The following B3GNT2 variants were observed in gnomAD, a reference collection of about 807,000 sequenced individuals.
B3GNT2 encodes UDP-GlcNAc:betaGal beta-1,3-N-acetylglucosaminyltransferase 2.
B3GNT2 carries 12 observed loss-of-function variants against 27.6 expected under a neutral mutation model. That is an observed-to-expected ratio of 0.44 (90% CI 0.28 to 0.71). B3GNT2 has a LOEUF of 0.71. B3GNT2 is among the 30% of genes least tolerant of loss of function. B3GNT2 has a pLI of 0.17. For missense variants in B3GNT2, 413 were observed against 488.5 expected, an observed-to-expected ratio of 0.85 and a Z score of 1.46; for synonymous variants, 192 against 189.7, an observed-to-expected ratio of 1.01 and a Z score of -0.10.
chr2:62,221,448 T>C (rs1674690840), intron 1 of B3GNT2, among the ~76,000 whole-genome samples: 1 of 152,190 alleles, frequency 6.6e-6, no homozygotes, highest in Admixed American at 6.5e-5. Flanking sequence ...TCTTAATCTC[T>C]CTGCTTTGGT....
intron 1 of B3GNT2, among the ~76,000 whole-genome samples, chr2:62,217,443 T>G (rs938011030): frequency 6.6e-6 from 1 of 152,234 alleles, no homozygotes; most frequent in Admixed American, 6.5e-5. Context: ...CTCAAAGGAT[T>G]GCTGGTGCTT....
At chr2:62,214,114 T>C (rs943928399) in intron 1 of B3GNT2, among the ~76,000 whole-genome samples, 3 of 152,198 alleles carry the variant, frequency 2.0e-5, no homozygotes, top group Non-Finnish European at 4.4e-5. Context: ...GATGAAACCC[T>C]GAGTTCAACC....
intron 1 of B3GNT2, among the ~76,000 whole-genome samples, chr2:62,215,110 G>A (rs1674548513): frequency 6.6e-6 from 1 of 152,154 alleles, no homozygotes; most frequent in African/African-American, 2.4e-5. Context: ...TGTAATCAGT[G>A]GGGGCCAGAA....
chr2:62,197,516 C>T (rs1402819870), intron 1 of B3GNT2, among the ~76,000 whole-genome samples: 1 of 152,170 alleles, frequency 6.6e-6, no homozygotes, highest in Non-Finnish European at 1.5e-5. Context: ...AGCTGTATCC[C>T]CGTGGCCGCC....
intron 1 of B3GNT2, among the ~76,000 whole-genome samples, chr2:62,203,708 G>A (rs1294686116): frequency 6.6e-6 from 1 of 152,168 alleles, no homozygotes; most frequent in East Asian, 1.9e-4. Flanking sequence ...GGGGGAAACA[G>A]TGGAGATTGC....
At chr2:62,203,504 G>C (rs1479507922) in intron 1 of B3GNT2, among the ~76,000 whole-genome samples, 2 of 152,156 alleles carry the variant, frequency 1.3e-5, no homozygotes, top group African/African-American at 4.8e-5. Flanking sequence ...ACATGCAAGA[G>C]AACCCTGGGG....
chr2:62,222,458 C>T lies in B3GNT2; in HGVS notation c.238C>T (p.Gln80Ter). ...YNPILSMLTN[Q>*]TGEAGRLSNI... ...CCCCATCCTGAGCATGCTGACCAAC[C>T]AGACGGGGGAGGCGGGCAGGCTCTC... Residue 80 changes from glutamine to a stop codon, truncating the protein, a stop_gained, in exon 2 of 2, where the codon CAG becomes TAG. Transcript: ENST00000301998. LOFTEE classifies it high-confidence loss of function. The surrounding 1 kb of genome is among the most constrained non-coding windows in gnomAD (Gnocchi z 4.2). The T allele has an allele frequency of 6.2e-7, 1 of 1,614,162 alleles. No individual in the cohort carries two copies. The highest frequency in any genetic ancestry group is 8.5e-7 in the Non-Finnish European group (1 of 1,180,038).
At chr2:62,202,054 C>G (rs1438626560) in intron 1 of B3GNT2, among the ~76,000 whole-genome samples, 1 of 152,222 alleles carries the variant, frequency 6.6e-6, no homozygotes, top group Non-Finnish European at 1.5e-5. Context: ...CCCTGGAATA[C>G]TTCTCCATTA....
chr2:62,219,049 C>G (rs935573195), intron 1 of B3GNT2, among the ~76,000 whole-genome samples: 1 of 152,212 alleles, frequency 6.6e-6, no homozygotes, highest in Non-Finnish European at 1.5e-5. Context: ...GTGGTTATGG[C>G]TGGATTCCAG....
intron 1 of B3GNT2, among the ~76,000 whole-genome samples, chr2:62,196,559 A>G (rs1674147030): frequency 6.6e-6 from 1 of 152,146 alleles, no homozygotes; most frequent in Admixed American, 6.5e-5. Context: ...CTCCTGCCGC[A>G]TTTAAGCCTC....
At chr2:62,212,593 C>T (rs569519015) in intron 1 of B3GNT2, among the ~76,000 whole-genome samples, 5 of 151,708 alleles carry the variant, frequency 3.3e-5, no homozygotes, top group Non-Finnish European at 7.4e-5. Context: ...CCCAGACTTG[C>T]TTGCCTGTAC....
At chr2:62,211,834 C>G (rs1674487535) in intron 1 of B3GNT2, among the ~76,000 whole-genome samples, 1 of 152,206 alleles carries the variant, frequency 6.6e-6, no homozygotes, top group South Asian at 2.1e-4. Context: ...CTCTACATTT[C>G]TGAAATTTGC....
chr2:62,222,215 T>G lies in B3GNT2; in HGVS notation c.-6T>G. The stretch of plus-strand genomic sequence containing the variant: ...ATACTCCACCCCTTTATTCCAGATA[T>G]GAGAAATGAGTGTTGGACGTCGAAG... On this transcript the variant is annotated 5_prime_UTR_variant, in exon 2 of 2. The change abolishes an upstream ATG in the 5' untranslated region. Coordinates refer to ENST00000301998, the MANE Select transcript of B3GNT2 (RefSeq NM_006577.6). This position sits in a 1 kb window ranked among gnomAD's most constrained non-coding sequence, Gnocchi z 4.2. 4.9e-5 allele frequency: 77 copies of G among 1,585,164 alleles called. No homozygotes were observed. Among genetic ancestry groups the G allele is most frequent in the Non-Finnish European group, 6.2e-5 (72 of 1,167,052 alleles).
At chr2:62,210,260 C>G (rs1376229301) in intron 1 of B3GNT2, among the ~76,000 whole-genome samples, 1 of 152,148 alleles carries the variant, frequency 6.6e-6, no homozygotes, top group Non-Finnish European at 1.5e-5. Flanking sequence ...AGGTTGGGAC[C>G]AGAGTCCAAA....
intron 1 of B3GNT2, among the ~76,000 whole-genome samples, chr2:62,204,226 G>T (rs968302019): frequency 1.3e-5 from 2 of 152,158 alleles, no homozygotes; most frequent in Admixed American, 1.3e-4. Flanking sequence ...GGGTTTCTCC[G>T]TGCTGGTCAG....
At chr2:62,211,360 G>A (rs984097004) in intron 1 of B3GNT2, among the ~76,000 whole-genome samples, 4 of 131,118 alleles carry the variant, frequency 3.1e-5, no homozygotes, top group East Asian at 4.9e-4. Context: ...TGTCCCCCCC[G>A]TCCCCCCCAA....
intron 1 of B3GNT2, among the ~76,000 whole-genome samples, chr2:62,199,082 A>G (rs1674212757): frequency 6.6e-6 from 1 of 152,162 alleles, no homozygotes; most frequent in Non-Finnish European, 1.5e-5. Context: ...CTGGGATTAC[A>G]GGCATCCACC....
intron 1 of B3GNT2, among the ~76,000 whole-genome samples, chr2:62,197,783 G>A (rs1298567809): frequency 6.6e-6 from 1 of 152,264 alleles, no homozygotes; most frequent in East Asian, 1.9e-4. Context: ...TCCGGTGCCG[G>A]CTTATAGTCG....
chr2:62,214,828 G>A (rs934343394), intron 1 of B3GNT2, among the ~76,000 whole-genome samples: 2 of 152,112 alleles, frequency 1.3e-5, no homozygotes, highest in African/African-American at 2.4e-5. Flanking sequence ...TGCCAAACTG[G>A]TTTTCCAGTC....
Sources: gnomAD v4.1 joint callset for allele counts (sites outside exome capture counted in the v4.1 genomes callset) on GRCh38, gnomAD v4.1.1 for gene constraint, Gnocchi (gnomAD v3.1) non-coding constraint, MANE v1.5 for transcripts, NCBI Gene and HGNC (gene_info 2026-07-23, HGNC 2026-07-21) for gene names.